ATXN7L1: variants seen among roughly 807,000 people sequenced by gnomAD.
ATXN7L1 encodes ataxin 7 like 1.
ATXN7L1 carries 15 observed loss-of-function variants against 70.8 expected under a neutral mutation model. That is an observed-to-expected ratio of 0.21 (90% CI 0.14 to 0.33). The LOEUF is 0.33. Ranked by LOEUF, ATXN7L1 falls within the 10% of genes least tolerant of loss-of-function variation. The pLI, the probability that ATXN7L1 is intolerant of heterozygous loss-of-function variation, is 1.00. For synonymous variants in ATXN7L1, 440 were observed against 445.1 expected, an observed-to-expected ratio of 0.99 and a Z score of 0.14; for missense variants, 975 against 1,097.1, an observed-to-expected ratio of 0.89 and a Z score of 1.57.
chr7:105,852,709 G>A (rs1381536257), intron 2 of ATXN7L1, among the ~76,000 whole-genome samples: 1 of 151,570 alleles, frequency 6.6e-6, no homozygotes, highest in Non-Finnish European at 1.5e-5. Flanking sequence ...GTTCTCTCCA[G>A]GTCTCTGTTT....
At chr7:105,646,156 A>C (rs1431504363) in intron 4 of ATXN7L1, among the ~76,000 whole-genome samples, 1 of 151,792 alleles carries the variant, frequency 6.6e-6, no homozygotes, top group Non-Finnish European at 1.5e-5. Flanking sequence ...ACAAAATAGA[A>C]ATAAAAATTA....
chr7:105,779,273 A>G (rs1407831635), intron 3 of ATXN7L1, among the ~76,000 whole-genome samples: 2 of 152,334 alleles, frequency 1.3e-5, no homozygotes, highest in East Asian at 3.9e-4. Flanking sequence ...TGATGGCATG[A>G]TTAAATAACA....
intron 2 of ATXN7L1, among the ~76,000 whole-genome samples, chr7:105,798,294 G>A (rs1457146401): frequency 1.3e-5 from 2 of 152,194 alleles, no homozygotes; most frequent in Non-Finnish European, 2.9e-5. Flanking sequence ...CAGTGTTTGG[G>A]ATGGGCTTGG....
At chr7:105,728,306 G>T (rs538254861) in intron 3 of ATXN7L1, among the ~76,000 whole-genome samples, 1 of 152,256 alleles carries the variant, frequency 6.6e-6, no homozygotes, top group East Asian at 1.9e-4. Flanking sequence ...CGATAACATT[G>T]TTTCCCATGG....
chr7:105,768,244 C>A (rs1009001951), intron 3 of ATXN7L1, among the ~76,000 whole-genome samples: 3 of 152,320 alleles, frequency 2.0e-5, no homozygotes, highest in East Asian at 3.9e-4. Flanking sequence ...TCAAATTTAT[C>A]ATTTCTAATA....
Position 105,800,642 on chromosome 7 carries a change from C to A in ATXN7L1, c.251-11934G>T, listed in dbSNP as rs112046904. ...ATCAAAGCTGCCTTAGACTAAAGAA[C>A]CACACAGGAAACTTAGCTGGGCAGC... On this transcript the variant is annotated intron_variant, in intron 2 of 11. Transcript: ENST00000419735. 2.0e-5 allele frequency among the ~76,000 whole-genome samples: 3 copies of A among 152,296 alleles called. No homozygotes were observed. In the South Asian group the frequency reaches 6.2e-4, roughly 32 times the overall value.
chr7:105,700,222 G>T (rs980016432), intron 3 of ATXN7L1, among the ~76,000 whole-genome samples: 15 of 152,058 alleles, frequency 9.9e-5, no homozygotes, highest in African/African-American at 2.9e-4. Flanking sequence ...AATGACAAGG[G>T]GGGCTGGGCG....
Position 105,613,594 on chromosome 7 carries a change from C to T in ATXN7L1, c.2472+268G>A. The T allele has an allele frequency of 4.4e-6, 6 of 1,355,834 alleles. No homozygotes were observed. In the South Asian group the frequency reaches 8.0e-5, roughly 18 times the overall value. The allele number at this position is 1,355,834 out of a possible 1,614,324, so 84.0% of individuals were successfully genotyped here. ...AGTTTACTCATCTGTAAAGTGATAACTGCACTCACTGCACTGGGGTGTCGT... is the reference window on the plus strand; with the variant it reads ...AGTTTACTCATCTGTAAAGTGATAATTGCACTCACTGCACTGGGGTGTCGT... On this transcript the variant is annotated intron_variant, in intron 10 of 11. Coordinates refer to ENST00000419735, the MANE Select transcript of ATXN7L1 (RefSeq NM_020725.2).
intron 3 of ATXN7L1, among the ~76,000 whole-genome samples, chr7:105,770,384 G>A (rs550488789): frequency 2.0e-5 from 3 of 152,290 alleles, no homozygotes; most frequent in East Asian, 1.9e-4. Flanking sequence ...ATGGATACCC[G>A]TTAAGAGGAG....
chr7:105,711,883 C>T (rs1169081784), intron 3 of ATXN7L1, among the ~76,000 whole-genome samples: 1 of 152,266 alleles, frequency 6.6e-6, no homozygotes, highest in African/African-American at 2.4e-5. Flanking sequence ...CTGCACTGCC[C>T]TAGTAGAGGT....
In ATXN7L1 at chr7:105,613,885, C is replaced by T. The variant is rs1490354403; in HGVS notation, c.2449G>A (p.Val817Ile). The T allele has an allele frequency of 2.6e-5, 40 of 1,551,852 alleles. No homozygotes were observed. Among genetic ancestry groups the T allele is most frequent in the East Asian group, 2.4e-5 (1 of 40,926 alleles). The change falls in exon 10 of 12, where the codon GTT becomes ATT. Residue 817 changes from valine (V) to isoleucine (I), a missense_variant. By Grantham distance (29) the Val-to-Ile change is conservative. Around this residue, in one of 5 missense-constraint regions of ATXN7L1, gnomAD observed 635 missense variants for 699.4 expected, o/e 0.91. Transcript: ENST00000419735. The part of the protein sequence containing the change: ...PSLLAPVPDP[V>I]NSTSSRQVGK... Reference sequence around the variant, plus strand: ...ACCTGCCGAGAGGAGGTGCTGTTAACGGGATCGGGCACCGGTGCGAGAAGG... The same window carrying T: ...ACCTGCCGAGAGGAGGTGCTGTTAATGGGATCGGGCACCGGTGCGAGAAGG...
At chr7:105,675,812 G>A (rs1291796129) in intron 3 of ATXN7L1, among the ~76,000 whole-genome samples, 1 of 151,140 alleles carries the variant, frequency 6.6e-6, no homozygotes, top group Admixed American at 6.6e-5. Flanking sequence ...GAGAAAGTAG[G>A]TGCCAATACA....
intron 2 of ATXN7L1, among the ~76,000 whole-genome samples, chr7:105,818,543 C>T (rs1046112018): frequency 6.6e-6 from 1 of 152,172 alleles, no homozygotes; most frequent in East Asian, 1.9e-4. Context: ...GGGTTTAACT[C>T]TGTAATGGCC....
chr7:105,654,148 A>G (rs1156893521), intron 4 of ATXN7L1, among the ~76,000 whole-genome samples: 2 of 152,238 alleles, frequency 1.3e-5, no homozygotes, highest in African/African-American at 4.8e-5. Flanking sequence ...GAATGAATTA[A>G]TGTTCTCAGT....
chr7:105,866,660 G>A (rs751225079), intron 2 of ATXN7L1, among the ~76,000 whole-genome samples: 36 of 152,178 alleles, frequency 2.4e-4, no homozygotes, highest in Non-Finnish European at 3.8e-4. Context: ...CCAGCCAAAC[G>A]GCATCAGCTG....
chr7:105,708,142 G>T (rs1448529504), intron 3 of ATXN7L1, among the ~76,000 whole-genome samples: 2 of 152,174 alleles, frequency 1.3e-5, no homozygotes, highest in Non-Finnish European at 2.9e-5. Context: ...GAAGAAGGAG[G>T]AGAAAACTCC....
intron 2 of ATXN7L1, among the ~76,000 whole-genome samples, chr7:105,865,709 C>T (rs1229826200): frequency 6.6e-6 from 1 of 152,096 alleles, no homozygotes; most frequent in Non-Finnish European, 1.5e-5. Flanking sequence ...GCCATTTTCA[C>T]CATTTTTTAT....
At chr7:105,816,659 G>A (rs1384334137) in intron 2 of ATXN7L1, among the ~76,000 whole-genome samples, 1 of 152,224 alleles carries the variant, frequency 6.6e-6, no homozygotes, top group Non-Finnish European at 1.5e-5. Context: ...CCTGGCCCAA[G>A]TGGAGGCCCC....
At chr7:105,651,671 C>T (rs77936760) in intron 4 of ATXN7L1, among the ~76,000 whole-genome samples, 4,668 of 152,318 alleles carry the variant, frequency 0.031, 119 homozygotes, top group East Asian at 0.083. Flanking sequence ...AGCCCTACTT[C>T]ACAAGCCCAC....
Sources: gnomAD v4.1 joint callset for allele counts (sites outside exome capture counted in the v4.1 genomes callset) on GRCh38, gnomAD v4.1.1 for gene constraint, gnomAD v4.1.1 regional missense constraint, MANE v1.5 for transcripts, NCBI Gene and HGNC (gene_info 2026-07-23, HGNC 2026-07-21) for gene names.